Variants in STXBP5L observed in about 807,000 individuals in gnomAD.
STXBP5L encodes the protein syntaxin-binding protein 5-like.
Under a neutral mutation model 144.5 loss-of-function variants are expected in STXBP5L, and 65 were observed. The ratio of observed to expected loss-of-function variants is 0.45; its 90% confidence interval spans 0.37 to 0.55. The LOEUF is 0.55. STXBP5L is among the 20% of genes least tolerant of loss of function. The pLI is 0.00. For synonymous variants in STXBP5L, 505 were observed against 469.6 expected, an observed-to-expected ratio of 1.08 and a Z score of -0.97; for missense variants, 1,298 against 1,405.5, an observed-to-expected ratio of 0.92 and a Z score of 1.22.
At position 120,966,048 on chromosome 3, in the gene STXBP5L, C is replaced by T. The variant is rs185150772; in HGVS notation, c.287+11011C>T. Among the ~76,000 whole-genome samples, 437 of 152,088 alleles carry T rather than the reference C, an allele frequency of 2.9e-3. 2 individuals are homozygous for T. Among genetic ancestry groups the T allele is most frequent in the Non-Finnish European group, 1.3e-3 (87 of 67,978 alleles). The stretch of plus-strand genomic sequence containing the variant: ...TATTTTGATCTTCCATCACTGATAC[C>T]CTTTCTTCCACTTGATCGAATCAGC... On this transcript the variant is annotated intron_variant, in intron 3 of 26. Coordinates refer to ENST00000471454, the MANE Select transcript of STXBP5L (RefSeq NM_001308330.2).
At chr3:121,073,448 G>A (rs1385053579) in intron 5 of STXBP5L, among the ~76,000 whole-genome samples, 3 of 152,160 alleles carry the variant, frequency 2.0e-5, no homozygotes, top group East Asian at 1.9e-4. Flanking sequence ...CACTAACAGG[G>A]CAGTGGCTGC....
intron 9 of STXBP5L, among the ~76,000 whole-genome samples, chr3:121,194,458 C>CCAGGATTGCTTGAGCT (rs898062237): frequency 1.3e-5 from 2 of 151,400 alleles, no homozygotes; most frequent in Non-Finnish European, 2.9e-5. Context: ...TTGCTTGAGC[C>CCAGGATTGCTTGAGCT]CAGGAGTTCC....
At chr3:120,948,874 CATGTGTCTTTTTCATATA>C (rs1711021368) in intron 2 of STXBP5L, among the ~76,000 whole-genome samples, 1 of 151,830 alleles carries the variant, frequency 6.6e-6, no homozygotes. Context: ...CATGCCTGTG[CATGTGTCTTTTTCATATA>C]ATGATTTTTT....
intron 5 of STXBP5L, chr3:121,099,199 G>A (rs1190659339): frequency 6.6e-6 from 1 of 152,310 alleles, no homozygotes; most frequent in South Asian, 2.1e-4. Flanking sequence ...AAAGGTTGGT[G>A]GGTGACTGTC....
chr3:121,219,054 A>G (rs2048893594), intron 10 of STXBP5L, among the ~76,000 whole-genome samples: 2 of 152,160 alleles, frequency 1.3e-5, no homozygotes, highest in African/African-American at 4.8e-5. Context: ...TGTGTAAATT[A>G]ATCTTCATAT....
At chr3:121,232,291 C>T (rs1249535961) in intron 11 of STXBP5L, among the ~76,000 whole-genome samples, 1 of 151,994 alleles carries the variant, frequency 6.6e-6, no homozygotes, top group African/African-American at 2.4e-5. Context: ...AGTTGAAATC[C>T]CCTAACAAAG....
intron 5 of STXBP5L, among the ~76,000 whole-genome samples, chr3:121,064,695 AT>A (rs900283313): frequency 1.3e-5 from 2 of 152,096 alleles, no homozygotes; most frequent in African/African-American, 4.8e-5. Context: ...GATGTTCCAC[AT>A]TTTTTTAGGT....
At chr3:121,227,838 A>G (rs2049170097) in intron 11 of STXBP5L, among the ~76,000 whole-genome samples, 1 of 152,190 alleles carries the variant, frequency 6.6e-6, no homozygotes, top group Admixed American at 6.6e-5. Flanking sequence ...TAATAAAGCC[A>G]CAAATATAAC....
At chr3:121,330,483 C>T (rs1157205950) in intron 20 of STXBP5L, among the ~76,000 whole-genome samples, 1 of 152,194 alleles carries the variant, frequency 6.6e-6, no homozygotes, top group Non-Finnish European at 1.5e-5. Context: ...CTCTACCCAC[C>T]CTAATGGCTT....
At chr3:120,981,378 C>T (rs1941758263) in intron 3 of STXBP5L, among the ~76,000 whole-genome samples, 1 of 152,026 alleles carries the variant, frequency 6.6e-6, no homozygotes, top group Non-Finnish European at 1.5e-5. Context: ...CTCAAAGGCT[C>T]TGCTCATTTT....
chr3:121,258,911 C>A, intron 17 of STXBP5L, 132 bp from the exon 18 acceptor site: 2 of 789,224 alleles, frequency 2.5e-6, no homozygotes, highest in East Asian at 3.3e-5. Context: ...CTAGAAGGCA[C>A]CATCCATCTG....
At chr3:121,378,184 G>A (rs1159526983) in intron 20 of STXBP5L, among the ~76,000 whole-genome samples, 2 of 151,982 alleles carry the variant, frequency 1.3e-5, no homozygotes, top group Non-Finnish European at 2.9e-5. Context: ...TGGGGGGAAA[G>A]GGGAGGGAGA....
At chr3:121,176,105 A>G (rs2046921437) in intron 9 of STXBP5L, among the ~76,000 whole-genome samples, 2 of 152,088 alleles carry the variant, frequency 1.3e-5, no homozygotes, top group Non-Finnish European at 2.9e-5. Context: ...AGACAAATCC[A>G]CAGCTATATT....
chr3:121,048,420 G>T (rs558140825), intron 5 of STXBP5L, among the ~76,000 whole-genome samples: 36 of 152,116 alleles, frequency 2.4e-4, no homozygotes, highest in Non-Finnish European at 4.1e-4. Flanking sequence ...GTTTTCATGG[G>T]TGATATTCTG....
At chr3:121,063,426 T>G (rs375523775) in intron 5 of STXBP5L, among the ~76,000 whole-genome samples, 7 of 152,260 alleles carry the variant, frequency 4.6e-5, no homozygotes, top group African/African-American at 1.7e-4. Flanking sequence ...GTATGAGGTA[T>G]CTGTCAACCC....
intron 5 of STXBP5L, among the ~76,000 whole-genome samples, chr3:121,089,829 CT>C (rs1395038504): frequency 2.6e-5 from 4 of 152,082 alleles, no homozygotes; most frequent in East Asian, 3.9e-4. Context: ...AGGCCACTGG[CT>C]CTTATGTCTG....
In STXBP5L at chr3:121,012,138, A is replaced by G. The variant is rs138294006; in HGVS notation, c.288-29562A>G. Reference sequence around the variant, plus strand: ...TTGCAAAGTTTATGCATGTATCAATACTTGATTTTTTTATTGGCAAATAAA... The same window carrying G: ...TTGCAAAGTTTATGCATGTATCAATGCTTGATTTTTTTATTGGCAAATAAA... On this transcript the variant is annotated intron_variant, in intron 3 of 26. Transcript: ENST00000471454. Among the ~76,000 whole-genome samples the G allele has an allele frequency of 1.9e-3, 282 of 151,828 alleles. 2 individuals carry two copies. The highest frequency in any genetic ancestry group is 6.5e-3 in the African/African-American group (268 of 41,340).
intron 20 of STXBP5L, among the ~76,000 whole-genome samples, chr3:121,320,643 T>C (rs908524001): frequency 9.9e-5 from 15 of 152,132 alleles, no homozygotes. Context: ...ATGATGTTTC[T>C]TCTTTTGTTA....
intron 9 of STXBP5L, among the ~76,000 whole-genome samples, chr3:121,162,661 A>T (rs902895577): frequency 3.9e-5 from 6 of 152,222 alleles, no homozygotes; most frequent in Non-Finnish European, 7.3e-5. Flanking sequence ...AAATTTTTGC[A>T]ATCTATCCAT....
Sources: gnomAD v4.1 joint callset for allele counts (sites outside exome capture counted in the v4.1 genomes callset) on GRCh38, gnomAD v4.1.1 for gene constraint, MANE v1.5 for transcripts, NCBI Gene and HGNC (gene_info 2026-07-23, HGNC 2026-07-21) for gene names.